The following CELSR3 variants were observed in gnomAD, a reference collection of about 807,000 sequenced individuals.
The protein encoded by CELSR3 is cadherin EGF LAG seven-pass G-type receptor 3, also known as EGF-like protein 1.
Under a neutral mutation model 270.0 loss-of-function variants are expected in CELSR3, and 73 were observed. The observed-to-expected ratio is 0.27, with a 90% CI of 0.22 to 0.33. CELSR3 has a LOEUF of 0.33. Ranked by LOEUF, CELSR3 falls within the 10% of genes least tolerant of loss-of-function variation. The pLI is 1.00. For synonymous variants in CELSR3, 1,780 were observed against 1,905.4 expected (o/e 0.93, Z 1.71); for missense variants, 3,614 against 4,533.8 (o/e 0.80, Z 5.83).
At position 48,647,951 on chromosome 3, in the gene CELSR3, G is replaced by A. The variant is rs776411783; in HGVS notation, c.7019C>T (p.Ala2340Val). The change falls in exon 20 of 35, where the codon GCC (alanine) becomes GTC (valine). Residue 2340 changes from alanine (A) to valine (V), a missense_variant. Transcript: ENST00000164024. ...RMEHPSSPRG[A>V]RRYPRYHSNL... ...GCTATGGTAGCGAGGGTAGCGACGG[G>A]CCCCCCGGGGAGAACTGGGGTGCTC... 5.0e-6 allele frequency: 8 copies of A among 1,612,030 alleles called. No homozygotes were observed.
intron 16 of CELSR3, among the ~76,000 whole-genome samples, chr3:48,649,872 C>G (rs768348908): frequency 6.6e-6 from 1 of 152,106 alleles, no homozygotes. Flanking sequence ...CGTGAGCATG[C>G]GTACACAAAC....
chr3:48,660,054 C>T lies in CELSR3; in HGVS notation c.2581G>A (p.Ala861Thr). The T allele has an allele frequency of 6.2e-7, 1 of 1,614,192 alleles. No individual in the cohort carries two copies. The highest frequency in any genetic ancestry group is 1.3e-5 in the African/African-American group (1 of 75,032). Residue 861 changes from alanine (A) to threonine (T), a missense_variant, in exon 1 of 35, where the codon GCC (alanine) becomes ACC (threonine). Around this residue, in one of 7 missense-constraint regions of CELSR3, gnomAD observed 215 missense variants for 241.2 expected, o/e 0.89. Transcript: ENST00000164024. This position sits in a 1 kb window ranked among gnomAD's most constrained non-coding sequence, Gnocchi z 5.5. ...TCATTCACACTCACTGAGTAGTGGGCACTTTGAAAGACCGGCCGATGAGTG... is the reference window on the plus strand; with the variant it reads ...TCATTCACACTCACTGAGTAGTGGGTACTTTGAAAGACCGGCCGATGAGTG... ...ANTHRPVFQS[A>T]HYSVSVNEDR...
chr3:48,638,259 T>C, intron 34 of CELSR3, 27 bp from the exon 35 acceptor site: 3 of 1,603,758 alleles, frequency 1.9e-6, no homozygotes. Flanking sequence ...AAATCAGAGG[T>C]TGATGCCCAG....
In CELSR3 at chr3:48,654,391, G is replaced by C. The variant is rs758991840; in HGVS notation, c.5050C>G (p.Pro1684Ala). ...GGVPNLPENF[P>A]VSHKDFIGCM... ...CCGATGAAGTCCTTATGGGATACGGGGAAGTTCTCGGGGAGGTTGGGGACA... is the reference window on the plus strand; with the variant it reads ...CCGATGAAGTCCTTATGGGATACGGCGAAGTTCTCGGGGAGGTTGGGGACA... Residue 1684 changes from proline to alanine, a missense_variant, in exon 7 of 35, where the codon CCC (proline) becomes GCC (alanine). Physicochemically the swap from Pro to Ala is conservative, Grantham distance 27. Around this residue, in one of 7 missense-constraint regions of CELSR3, gnomAD observed 1,331 missense variants for 1,933.7 expected, o/e 0.69. Coordinates refer to ENST00000164024, the MANE Select transcript of CELSR3 (RefSeq NM_001407.3). This position sits in a 1 kb window ranked among gnomAD's most constrained non-coding sequence, Gnocchi z 5.4. 6.2e-7 allele frequency: 1 copy of C among 1,610,222 alleles called. No homozygotes were observed. The highest frequency in any genetic ancestry group is 1.1e-5 in the South Asian group (1 of 91,004).
chr3:48,642,305 G>A lies in CELSR3; in HGVS notation c.8665+53C>T. Reference sequence around the variant, plus strand: ...CCCAGTATGGGGTAGAAGAAAAGGGGATGGGGAGAGATCCTCTGCCTCCCT... The same window carrying A: ...CCCAGTATGGGGTAGAAGAAAAGGGAATGGGGAGAGATCCTCTGCCTCCCT... On this transcript the variant is annotated intron_variant, in intron 31 of 34. Transcript: ENST00000164024. This position sits in a 1 kb window ranked among gnomAD's most constrained non-coding sequence, Gnocchi z 6.1. 2 of 1,561,152 alleles carry A rather than the reference G, an allele frequency of 1.3e-6. No individual in the cohort carries two copies. The highest frequency in any genetic ancestry group is 2.3e-5 in the South Asian group (2 of 85,580).
rs190258717 is a variant in CELSR3 at position 48,636,484 on chromosome 3, C to T, written c.*1721G>A. 2.0e-5 allele frequency: 3 copies of T among 152,216 alleles called. No individual in the cohort carries two copies. Among genetic ancestry groups the T allele is most frequent in the African/African-American group, 7.2e-5 (3 of 41,448 alleles). The allele number at this position is 152,216 out of a possible 1,614,324, so 9.4% of individuals were successfully genotyped here. A position where few individuals can be genotyped will look rare whatever the true frequency, so the allele number is the denominator to read the frequency against. ...CAACTGTTTTCTATAGAAGTTTATT[C>T]CCAAAACAGAGCGCGGCTTCACGGA... On this transcript the variant is annotated 3_prime_UTR_variant, in exon 35 of 35. Transcript: ENST00000164024.
chr3:48,647,709 G>A lies in CELSR3; in HGVS notation c.7129+132C>T, dbSNP rs559061760. 3.1e-4 allele frequency: 254 copies of A among 817,804 alleles called. 1 individual carries two copies. Among genetic ancestry groups the A allele is most frequent in the Admixed American group, 1.3e-3 (60 of 46,518 alleles). The allele number at this position is 817,804 out of a possible 1,614,324, so 50.7% of individuals were successfully genotyped here. Reference sequence around the variant, plus strand: ...GGAGGGGAAATATGGGAGGGAGGGTGGAGGGGAGATGTGGGAGGGTCTGAC... The same window carrying A: ...GGAGGGGAAATATGGGAGGGAGGGTAGAGGGGAGATGTGGGAGGGTCTGAC... On this transcript the variant is annotated intron_variant, in intron 20 of 34. Coordinates refer to ENST00000164024, the MANE Select transcript of CELSR3 (RefSeq NM_001407.3).
At position 48,654,216 on chromosome 3, in the gene CELSR3, T is replaced by G. The variant is rs1575543843; in HGVS notation, c.5152+73A>C. ...CAAAGGAGACTGGCTTGAAGTCAGG[T>G]ATGGAGTCCTCCACTTCCTCCCTAT... On this transcript the variant is annotated intron_variant, in intron 7 of 34. Coordinates refer to ENST00000164024, the MANE Select transcript of CELSR3 (RefSeq NM_001407.3). The surrounding 1 kb of genome is among the most constrained non-coding windows in gnomAD (Gnocchi z 5.4). The G allele has an allele frequency of 6.3e-7, 1 of 1,587,876 alleles. No homozygotes were observed.
chr3:48,651,775 G>A lies in CELSR3; in HGVS notation c.5924-57C>T, dbSNP rs2047139530. The stretch of plus-strand genomic sequence containing the variant: ...GGTCGCAGAGCATGGAAGGAAGCAG[G>A]CACCCGTCCCGAGTCCCTGCCTCCT... On this transcript the variant is annotated intron_variant, in intron 12 of 34. Coordinates refer to ENST00000164024, the MANE Select transcript of CELSR3 (RefSeq NM_001407.3). This position sits in a 1 kb window ranked among gnomAD's most constrained non-coding sequence, Gnocchi z 7.4. The A allele has an allele frequency of 6.5e-7, 1 of 1,533,558 alleles. No individual in the cohort carries two copies. The allele number at this position is 1,533,558 out of a possible 1,614,324, so 95.0% of individuals were successfully genotyped here.
Position 48,641,290 on chromosome 3 carries a change from G to C in CELSR3, c.9025+34C>G, listed in dbSNP as rs1438570746. The C allele has an allele frequency of 7.1e-7, 1 of 1,407,654 alleles. No homozygotes were observed. The highest frequency in any genetic ancestry group is 1.0e-6 in the Non-Finnish European group (1 of 995,612). The allele number at this position is 1,407,654 out of a possible 1,614,324, so 87.2% of individuals were successfully genotyped here. On this transcript the variant is annotated intron_variant, in intron 33 of 34. Transcript: ENST00000164024. This position sits in a 1 kb window ranked among gnomAD's most constrained non-coding sequence, Gnocchi z 4.8. Reference sequence around the variant, plus strand: ...TCAGGGCATGAGCAGCCCCCAGCGTGTCTGCGGTGTGGGCCAGGGCTCAGG... The same window carrying C: ...TCAGGGCATGAGCAGCCCCCAGCGTCTCTGCGGTGTGGGCCAGGGCTCAGG...
At position 48,653,060 on chromosome 3, in the gene CELSR3, G is replaced by A. The variant is rs747566038; in HGVS notation, c.5576C>T (p.Pro1859Leu). 1 of 1,613,202 alleles carries A rather than the reference G, an allele frequency of 6.2e-7. No individual in the cohort carries two copies. Among genetic ancestry groups the A allele is most frequent in the Admixed American group, 1.7e-5 (1 of 60,022 alleles). The change falls in exon 10 of 35, where the codon CCA becomes CTA. Residue 1859 changes from proline (P) to leucine (L), a missense_variant. Around this residue, in one of 7 missense-constraint regions of CELSR3, gnomAD observed 1,331 missense variants for 1,933.7 expected, o/e 0.69. Transcript: ENST00000164024. The surrounding 1 kb of genome is among the most constrained non-coding windows in gnomAD (Gnocchi z 6.5). ...GACATGGTGGCCCCGCCGGCCACCTGGTTCCTCCTGCAACTCCAGCCGCAG... is the reference window on the plus strand; with the variant it reads ...GACATGGTGGCCCCGCCGGCCACCTAGTTCCTCCTGCAACTCCAGCCGCAG... ...HDLRLELQEE[P>L]GGRRGHHVLM...
At position 48,642,918 on chromosome 3, in the gene CELSR3, C is replaced by T. The variant is rs770661761; in HGVS notation, c.8407-34G>A. On this transcript the variant is annotated intron_variant, in intron 29 of 34. Transcript: ENST00000164024. The surrounding 1 kb of genome is among the most constrained non-coding windows in gnomAD (Gnocchi z 6.1). ...GGTAGGGACAGAGTGTGAGCTAACC[C>T]TGAAGCAGCCTAAAACTCTGGCTTC... is the stretch of plus-strand genomic sequence containing the variant. 1 of 1,611,222 alleles carries T rather than the reference C, an allele frequency of 6.2e-7. No individual in the cohort carries two copies. The highest frequency in any genetic ancestry group is 8.5e-7 in the Non-Finnish European group (1 of 1,178,762).
chr3:48,647,913 C>A lies in CELSR3; in HGVS notation c.7057G>T (p.Gly2353Cys). 6.2e-7 allele frequency: 1 copy of A among 1,612,016 alleles called. No homozygotes were observed. The highest frequency in any genetic ancestry group is 8.5e-7 in the Non-Finnish European group (1 of 1,179,696). Residue 2353 changes from glycine to cysteine, a missense_variant, in exon 20 of 35, where the codon GGC becomes TGC. Physicochemically the swap from Gly to Cys is radical, Grantham distance 159. Around this residue, in one of 7 missense-constraint regions of CELSR3, gnomAD observed 1,240 missense variants for 1,351.7 expected, o/e 0.92. Coordinates refer to ENST00000164024, the MANE Select transcript of CELSR3 (RefSeq NM_001407.3). Reference protein sequence around the residue: ...YPRYHSNLFRGQDAWDPHTHV... With the variant: ...YPRYHSNLFRCQDAWDPHTHV... Reference sequence around the variant, plus strand: ...GTGTGAGGATCCCAGGCATCCTGGCCTCGAAAGAGGTTGCTATGGTAGCGA... The same window carrying A: ...GTGTGAGGATCCCAGGCATCCTGGCATCGAAAGAGGTTGCTATGGTAGCGA...
intron 2 of CELSR3, 141 bp downstream of exon 2, chr3:48,656,557 C>A: frequency 1.6e-6 from 2 of 1,263,650 alleles, no homozygotes; most frequent in Non-Finnish European, 1.0e-6. Context: ...CCCCTTCCGG[C>A]CACGCTCTAC....
Position 48,640,069 on chromosome 3 carries a change from C to A in CELSR3, c.9516G>T (p.Leu3172=). The change falls in exon 34 of 35, where the codon CTG becomes CTT. Residue 3172 remains leucine (L), a synonymous_variant. Coordinates refer to ENST00000164024, the MANE Select transcript of CELSR3 (RefSeq NM_001407.3). This position sits in a 1 kb window ranked among gnomAD's most constrained non-coding sequence, Gnocchi z 7.5. ...TRDLDPQPPP[L]PLSPQRQLSR... ...AGAGTTGCCGCTGGGGAGACAGGGG[C>A]AGAGGTGGGGGCTGTGGGTCAAGGT... The A allele has an allele frequency of 6.2e-7, 1 of 1,610,652 alleles. No individual in the cohort carries two copies. The highest frequency in any genetic ancestry group is 8.5e-7 in the Non-Finnish European group (1 of 1,179,706).
rs751044986 is a variant in CELSR3, at chr3:48,642,355, C to T, written c.8665+3G>A. ...TCCTCCCTGCCCCAGGCCCCAACTC[C>T]ACCAGCATCTCGATGGAACATGGCC... On this transcript the variant is annotated splice_donor_region_variant and intron_variant, in intron 31 of 34. Transcript: ENST00000164024. The surrounding 1 kb of genome is among the most constrained non-coding windows in gnomAD (Gnocchi z 6.1). The T allele has an allele frequency of 3.0e-5, 48 of 1,611,912 alleles. No individual in the cohort carries two copies. The highest frequency in any genetic ancestry group is 3.9e-5 in the Non-Finnish European group (46 of 1,179,244).
Position 48,653,166 on chromosome 3 carries a change from C to T in CELSR3, c.5470G>A (p.Val1824Met), listed in dbSNP as rs141484230. 8.2e-4 allele frequency: 1,315 copies of T among 1,613,254 alleles called. 1 individual carries two copies. The highest frequency in any genetic ancestry group is 1.0e-3 in the Non-Finnish European group (1,193 of 1,179,966). The change falls in exon 10 of 35, where the codon GTG becomes ATG. Residue 1824 changes from valine (V) to methionine (M), a missense_variant. Coordinates refer to ENST00000164024, the MANE Select transcript of CELSR3 (RefSeq NM_001407.3). This position sits in a 1 kb window ranked among gnomAD's most constrained non-coding sequence, Gnocchi z 6.5. ...LCQLDRGLLS[V>M]TVTRGSGRAS... ...CGGCCCGAGCCCCTGGTCACTGTCA[C>T]AGACAGTAACCCCCGATCTAGCTGT...
rs1362747162 is a variant in CELSR3 at position 48,637,981 on chromosome 3, C to T, written c.*224G>A. On this transcript the variant is annotated 3_prime_UTR_variant, in exon 35 of 35. Coordinates refer to ENST00000164024, the MANE Select transcript of CELSR3 (RefSeq NM_001407.3). ...AAGCATCTCTCTGGTTACAAAGGTACAAAACGTATAAAAGTCTCCCTCCAG... is the reference window on the plus strand; with the variant it reads ...AAGCATCTCTCTGGTTACAAAGGTATAAAACGTATAAAAGTCTCCCTCCAG... 13 of 499,450 alleles carry T rather than the reference C, an allele frequency of 2.6e-5. No homozygotes were observed. The East Asian group carries it at 3.0e-4, about 12-fold the overall frequency. The allele number at this position is 499,450 out of a possible 1,614,324, so 30.9% of individuals were successfully genotyped here. A position where few individuals can be genotyped will look rare whatever the true frequency, so the allele number is the denominator to read the frequency against.
Position 48,650,438 on chromosome 3 carries a change from C to T in CELSR3, c.6472+42G>A, listed in dbSNP as rs2047126892. ...GGCTCTAGCAGTCAGAGTACAGGCC[C>T]ACCCCCACCCTCAGTGATGTCCTTT... On this transcript the variant is annotated intron_variant, in intron 16 of 34. Coordinates refer to ENST00000164024, the MANE Select transcript of CELSR3 (RefSeq NM_001407.3). The surrounding 1 kb of genome is among the most constrained non-coding windows in gnomAD (Gnocchi z 5.1). The T allele has an allele frequency of 4.0e-6, 3 of 744,932 alleles. No individual in the cohort carries two copies. Among genetic ancestry groups the T allele is most frequent in the Non-Finnish European group, 6.6e-6 (3 of 451,140 alleles). 46.1% of individuals were successfully genotyped at this position (744,932 alleles called of 1,614,324 possible). A position where few individuals can be genotyped will look rare whatever the true frequency, so the allele number is the denominator to read the frequency against.
Sources: gnomAD v4.1 joint callset for allele counts (sites outside exome capture counted in the v4.1 genomes callset) on GRCh38, gnomAD v4.1.1 for gene constraint, gnomAD v4.1.1 regional missense constraint, Gnocchi (gnomAD v3.1) non-coding constraint, MANE v1.5 for transcripts, NCBI Gene and HGNC (gene_info 2026-07-23, HGNC 2026-07-21) for gene names.